The following ORC2 variants were observed in gnomAD, a reference collection of about 807,000 sequenced individuals.
ORC2 encodes the protein origin recognition complex protein 2 homolog.
ORC2 carries 37 observed loss-of-function variants against 77.7 expected under a neutral mutation model. That is an observed-to-expected ratio of 0.48 (90% CI 0.37 to 0.63). The LOEUF (loss-of-function observed/expected upper bound fraction) is 0.63. ORC2 is among the 20% of genes least tolerant of loss of function. The pLI is 0.00. For synonymous variants in ORC2, 201 were observed against 229.5 expected (o/e 0.88, Z 1.12); for missense variants, 557 against 661.9 (o/e 0.84, Z 1.74).
intron 15 of ORC2, among the ~76,000 whole-genome samples, chr2:200,918,177 A>G (rs1352072448): frequency 6.6e-6 from 1 of 152,220 alleles, no homozygotes; most frequent in Non-Finnish European, 1.5e-5. Context: ...TCGTCACACT[A>G]CTATCATCCC....
At chr2:200,927,029 C>T (rs1290537058) in intron 11 of ORC2, 129 bp from the exon 12 acceptor site, 2 of 910,610 alleles carry the variant, frequency 2.2e-6, no homozygotes, top group African/African-American at 1.7e-5. Flanking sequence ...TGGCTCAAGC[C>T]TGTAATCCCC....
rs1027390599 is a variant in ORC2, at chr2:200,960,927, C to T, written c.-59-1487G>A. ...GAGTAGCTGGGACTACAGGTGTGCA[C>T]CACCACACCCAGCTAATTTTTGCAT... On this transcript the variant is annotated intron_variant, in intron 1 of 17. Coordinates refer to ENST00000234296, the MANE Select transcript of ORC2 (RefSeq NM_006190.5). 2.0e-5 allele frequency among the ~76,000 whole-genome samples: 3 copies of T among 151,944 alleles called. No individual in the cohort carries two copies. The South Asian group carries it at 6.2e-4, about 32-fold the overall frequency.
In ORC2 at chr2:200,914,009, A is replaced by AG; in HGVS notation, c.1467-18_1467-17insC. 1.4e-6 allele frequency: 2 copies of AG among 1,442,468 alleles called. No homozygotes were observed. Among genetic ancestry groups the AG allele is most frequent in the Middle Eastern group, 2.1e-4 (1 of 4,662 alleles). The allele number at this position is 1,442,468 out of a possible 1,614,324, so 89.4% of individuals were successfully genotyped here. A position where few individuals can be genotyped will look rare whatever the true frequency, so the allele number is the denominator to read the frequency against. ...AAAATTCCCCTAAAAAAAAAAAAAA[A>AG]CAGGAATTTAAATCCAAAAATGTTA... On this transcript the variant is annotated splice_polypyrimidine_tract_variant and intron_variant, in intron 15 of 17. Transcript: ENST00000234296.
At chr2:200,922,191 T>G (rs1234674096) in intron 13 of ORC2, among the ~76,000 whole-genome samples, 2 of 149,960 alleles carry the variant, frequency 1.3e-5, no homozygotes, top group East Asian at 3.9e-4. Flanking sequence ...CATCAGGAAG[T>G]TCAGATAAAT....
At chr2:200,923,351 C>T (rs2040789187) in intron 13 of ORC2, among the ~76,000 whole-genome samples, 1 of 152,032 alleles carries the variant, frequency 6.6e-6, no homozygotes, top group Non-Finnish European at 1.5e-5. Context: ...CAGGTTCAAG[C>T]GATTCTCCTG....
intron 10 of ORC2, among the ~76,000 whole-genome samples, chr2:200,933,518 T>A (rs1248777388): frequency 2.0e-5 from 3 of 151,496 alleles, no homozygotes; most frequent in Non-Finnish European, 4.4e-5. Flanking sequence ...AATAAACGAG[T>A]AAGAGGGGAA....
At chr2:200,937,824 C>T (rs2124992739) in intron 8 of ORC2, 82 bp downstream of exon 8, 3 of 898,228 alleles carry the variant, frequency 3.3e-6, no homozygotes, top group Non-Finnish European at 3.6e-6. Flanking sequence ...CAGTCTAAGT[C>T]TAGAACCTAT....
intron 11 of ORC2, among the ~76,000 whole-genome samples, chr2:200,929,189 G>A (rs781107133): frequency 2.8e-4 from 43 of 152,162 alleles, no homozygotes; most frequent in Non-Finnish European, 5.9e-5. Context: ...GACCTCAGGT[G>A]ATCCACCCAC....
rs746546588 is a variant in ORC2, at chr2:200,913,965, GTATTT to G, written c.1489_1493del (p.Lys497ProfsTer7). 6.4e-7 allele frequency: 1 copy of G among 1,566,648 alleles called. No homozygotes were observed. Among genetic ancestry groups the G allele is most frequent in the Non-Finnish European group, 8.7e-7 (1 of 1,155,326 alleles). On this transcript the variant is annotated frameshift_variant, in exon 16 of 18. Coordinates refer to ENST00000234296, the MANE Select transcript of ORC2 (RefSeq NM_006190.5). LOFTEE classifies it high-confidence loss of function. ...AAGGGTTATCCTGGTTGTCCAGCTG[GTATTT>G]TATTAGTAGCCTGAAAATTCCCCTA...
At chr2:200,924,755 G>GT (rs1297116789) in intron 13 of ORC2, among the ~76,000 whole-genome samples, 2 of 152,018 alleles carry the variant, frequency 1.3e-5, no homozygotes, top group African/African-American at 4.8e-5. Context: ...AAGAAATAAT[G>GT]TTTTATTTAT....
rs973007626 is a variant in ORC2 at position 200,916,599 on chromosome 2, G to A, written c.1467-2607C>T. 3.3e-5 allele frequency among the ~76,000 whole-genome samples: 5 copies of A among 152,244 alleles called. 1 individual carries two copies. The highest frequency in any genetic ancestry group is 1.2e-4 in the African/African-American group (5 of 41,542). ...CTTCCAACAGTCCTTCAGCAGTTAA[G>A]GACTTTTATTATTAGTAATAACAAA... On this transcript the variant is annotated intron_variant, in intron 15 of 17. Transcript: ENST00000234296.
At chr2:200,940,915 G>A (rs2041140029) in intron 7 of ORC2, among the ~76,000 whole-genome samples, 1 of 152,068 alleles carries the variant, frequency 6.6e-6, no homozygotes, top group Admixed American at 6.6e-5. Context: ...TCTTCCCCCT[G>A]CAAAAGAAAC....
At chr2:200,920,969 GA>G in intron 14 of ORC2, 23 bp downstream of exon 14, 1 of 1,492,340 alleles carries the variant, frequency 6.7e-7, no homozygotes, top group Non-Finnish European at 9.0e-7. Flanking sequence ...TCTCTAGAAG[GA>G]AAAATAGTAA....
intron 10 of ORC2, 98 bp downstream of exon 10, chr2:200,933,778 A>C: frequency 1.6e-6 from 1 of 623,698 alleles, no homozygotes; most frequent in Non-Finnish European, 2.9e-6. Flanking sequence ...TCAGGACAAT[A>C]ATTCTACTTG....
intron 8 of ORC2, 65 bp downstream of exon 8, chr2:200,937,841 A>T: frequency 9.4e-7 from 1 of 1,060,324 alleles, no homozygotes; most frequent in South Asian, 1.3e-5. Flanking sequence ...CTATATACTT[A>T]ACTATTATTG....
In ORC2 at chr2:200,935,639, G is replaced by C. The variant is rs973429959; in HGVS notation, c.708+60C>G. On this transcript the variant is annotated intron_variant, in intron 9 of 17. Transcript: ENST00000234296. ...TGAGAGATGTGGATCTCTTAGGGTA[G>C]CCTATCTTTGAAATATTACACAATT... is the stretch of plus-strand genomic sequence containing the variant. The C allele has an allele frequency of 2.4e-5, 28 of 1,158,934 alleles. No homozygotes were observed. In the African/African-American group the frequency reaches 4.2e-4, roughly 18 times the overall value. The allele number at this position is 1,158,934 out of a possible 1,614,324, so 71.8% of individuals were successfully genotyped here.
At chr2:200,924,678 A>G (rs2040814204) in intron 13 of ORC2, among the ~76,000 whole-genome samples, 1 of 152,216 alleles carries the variant, frequency 6.6e-6, no homozygotes, top group Non-Finnish European at 1.5e-5. Context: ...CAAAACATTC[A>G]CACCAAAAGA....
chr2:200,939,447 T>C (rs2041108389), intron 7 of ORC2, among the ~76,000 whole-genome samples: 1 of 152,196 alleles, frequency 6.6e-6, no homozygotes, highest in Non-Finnish European at 1.5e-5. Flanking sequence ...TCTTGACAGT[T>C]TGCTCATTTG....
intron 1 of ORC2, among the ~76,000 whole-genome samples, chr2:200,962,653 A>C (rs1278128602): frequency 1.3e-5 from 2 of 152,204 alleles, no homozygotes; most frequent in Non-Finnish European, 2.9e-5. Flanking sequence ...TTTTTACTTT[A>C]AACTTCAACT....
Sources: allele counts gnomAD v4.1 joint callset (sites outside exome capture counted in the v4.1 genomes callset), GRCh38; gene constraint gnomAD v4.1.1; transcripts MANE v1.5; gene names NCBI Gene and HGNC (gene_info 2026-07-23, HGNC 2026-07-21).